GALNTL6: variants seen among roughly 807,000 people sequenced by gnomAD.
The protein encoded by GALNTL6 is polypeptide N-acetylgalactosaminyltransferase-like 6.
In GALNTL6, 46 loss-of-function variants were observed where a neutral mutation model predicts 73.7. The observed-to-expected ratio is 0.62, with a 90% CI of 0.49 to 0.80. The LOEUF is 0.80. GALNTL6 is among the 30% of genes least tolerant of loss of function. GALNTL6 has a pLI of 0.00. For missense variants in GALNTL6, 604 were observed against 755.0 expected (o/e 0.80, Z 2.34); for synonymous variants, 259 against 263.7 (o/e 0.98, Z 0.17).
chr4:173,032,326 C>T (rs1017729406), intron 12 of GALNTL6, among the ~76,000 whole-genome samples: 2 of 152,104 alleles, frequency 1.3e-5, no homozygotes, highest in African/African-American at 4.8e-5. Flanking sequence ...TGGCGGATGA[C>T]TGTAGTCCCA....
intron 2 of GALNTL6, among the ~76,000 whole-genome samples, chr4:172,153,040 T>C (rs147809842): frequency 3.5e-4 from 54 of 152,302 alleles, no homozygotes; most frequent in Non-Finnish European, 6.0e-4. Context: ...CACACAGAAA[T>C]GGATTCCTAA....
intron 5 of GALNTL6, among the ~76,000 whole-genome samples, chr4:172,687,354 G>T (rs1732979324): frequency 6.6e-6 from 1 of 152,066 alleles, no homozygotes; most frequent in African/African-American, 2.4e-5. Flanking sequence ...TCTTGGCCCG[G>T]CACGGTGGCT....
intron 2 of GALNTL6, among the ~76,000 whole-genome samples, chr4:172,044,214 CT>C (rs1742158820): frequency 6.6e-6 from 1 of 151,920 alleles, no homozygotes; most frequent in Non-Finnish European, 1.5e-5. Flanking sequence ...CTTCTGGGCA[CT>C]TCCTATTAAT....
At chr4:172,925,421 T>C (rs1748012169) in intron 8 of GALNTL6, among the ~76,000 whole-genome samples, 1 of 152,154 alleles carries the variant, frequency 6.6e-6, no homozygotes, top group African/African-American at 2.4e-5. Flanking sequence ...CTAAGATGAC[T>C]CTCTTCCTTG....
intron 3 of GALNTL6, among the ~76,000 whole-genome samples, chr4:172,305,180 G>A (rs1245155443): frequency 6.6e-6 from 1 of 151,948 alleles, no homozygotes; most frequent in African/African-American, 2.4e-5. Context: ...CAATGTACAA[G>A]ACTGCCATAC....
intron 2 of GALNTL6, among the ~76,000 whole-genome samples, chr4:171,995,707 T>C (rs1243156276): frequency 6.6e-6 from 1 of 152,030 alleles, no homozygotes; most frequent in Non-Finnish European, 1.5e-5. Flanking sequence ...GTATTCATTT[T>C]AAATATTTTA....
In GALNTL6 at chr4:171,885,364, G is replaced by A. The variant is rs547900989; in HGVS notation, c.138+70646G>A. Among the ~76,000 whole-genome samples, 47 of 152,188 alleles carry A rather than the reference G, an allele frequency of 3.1e-4. No individual in the cohort carries two copies. In the South Asian group the frequency reaches 9.8e-3, roughly 32 times the overall value. On this transcript the variant is annotated intron_variant, in intron 2 of 12. Transcript: ENST00000506823. ...TCTCACAAACCAATACAAAAGAGTAGGAAAATATTTTTGTCTACAGAGTTA... is the reference window on the plus strand; with the variant it reads ...TCTCACAAACCAATACAAAAGAGTAAGAAAATATTTTTGTCTACAGAGTTA...
At chr4:172,251,056 A>G (rs1420806371) in intron 3 of GALNTL6, among the ~76,000 whole-genome samples, 18 of 152,254 alleles carry the variant, frequency 1.2e-4, no homozygotes. Flanking sequence ...AAATAAAATC[A>G]ACAGGATGTG....
At chr4:172,550,068 T>A (rs554501613) in intron 5 of GALNTL6, among the ~76,000 whole-genome samples, 1 of 152,304 alleles carries the variant, frequency 6.6e-6, no homozygotes, top group South Asian at 2.1e-4. Context: ...TGCTTCAATT[T>A]TTTCTCATAT....
At chr4:173,018,843 A>C (rs1752881308) in intron 11 of GALNTL6, among the ~76,000 whole-genome samples, 1 of 152,234 alleles carries the variant, frequency 6.6e-6, no homozygotes, top group Admixed American at 6.5e-5. Flanking sequence ...AGCGTTCCTA[A>C]GAGGTCAAAG....
chr4:171,854,133 C>A (rs1391469453), intron 2 of GALNTL6, among the ~76,000 whole-genome samples: 2 of 152,120 alleles, frequency 1.3e-5, no homozygotes, highest in Non-Finnish European at 2.9e-5. Flanking sequence ...TTGGATCTTG[C>A]TCATCTCTAT....
chr4:172,231,273 A>G (rs1737063365), intron 3 of GALNTL6, among the ~76,000 whole-genome samples: 2 of 152,138 alleles, frequency 1.3e-5, no homozygotes, highest in South Asian at 4.2e-4. Context: ...TGTTTTCATA[A>G]TCTTACCAAC....
intron 5 of GALNTL6, among the ~76,000 whole-genome samples, chr4:172,653,163 C>A (rs919830412): frequency 6.6e-6 from 1 of 151,260 alleles, no homozygotes; most frequent in Non-Finnish European, 1.5e-5. Context: ...CTTTCTTCAA[C>A]AAATTTTGTC....
intron 5 of GALNTL6, among the ~76,000 whole-genome samples, chr4:172,363,858 T>C (rs1047671859): frequency 2.6e-5 from 4 of 152,208 alleles, no homozygotes; most frequent in Non-Finnish European, 5.9e-5. Flanking sequence ...CTTCGGTTCC[T>C]TTAATTAATT....
rs114599378 is a variant in GALNTL6, at chr4:172,493,495, C to T, written c.553+144806C>T. ...ACCAAATTCATGAAGGTTACAGATT[C>T]GTTTCCTGAACTGCTAACTCAGGAT... is the stretch of plus-strand genomic sequence containing the variant. On this transcript the variant is annotated intron_variant, in intron 5 of 12. Coordinates refer to ENST00000506823, the MANE Select transcript of GALNTL6 (RefSeq NM_001034845.3). Among the ~76,000 whole-genome samples, 836 of 152,242 alleles carry T rather than the reference C, an allele frequency of 5.5e-3. 9 individuals are homozygous for T. The highest frequency in any genetic ancestry group is 0.019 in the African/African-American group (794 of 41,538).
At chr4:172,892,916 C>T (rs1023519201) in intron 8 of GALNTL6, among the ~76,000 whole-genome samples, 9 of 152,214 alleles carry the variant, frequency 5.9e-5, no homozygotes, top group African/African-American at 1.9e-4. Context: ...ACCTACTGGT[C>T]CTCTGAGCTT....
At chr4:172,208,767 T>C (rs1481434693) in intron 2 of GALNTL6, among the ~76,000 whole-genome samples, 1 of 152,158 alleles carries the variant, frequency 6.6e-6, no homozygotes, top group African/African-American at 2.4e-5. Flanking sequence ...AAACTCTACC[T>C]GAACATTACA....
chr4:171,954,400 T>C (rs1738982713), intron 2 of GALNTL6, among the ~76,000 whole-genome samples: 1 of 152,188 alleles, frequency 6.6e-6, no homozygotes. Flanking sequence ...TGTTGTATAG[T>C]TATACAATGA....
chr4:172,431,932 A>G (rs1418979858), intron 5 of GALNTL6, among the ~76,000 whole-genome samples: 3 of 152,148 alleles, frequency 2.0e-5, no homozygotes, highest in Non-Finnish European at 2.9e-5. Flanking sequence ...GACACTAATC[A>G]TAATTCTCTC....
Sources: gnomAD v4.1 joint callset for allele counts (sites outside exome capture counted in the v4.1 genomes callset) on GRCh38, gnomAD v4.1.1 for gene constraint, MANE v1.5 for transcripts, NCBI Gene and HGNC (gene_info 2026-07-23, HGNC 2026-07-21) for gene names.